The following EBF1 variants were observed in gnomAD, a reference collection of about 807,000 sequenced individuals.
The protein encoded by EBF1 is EBF transcription factor 1.
In EBF1, 10 loss-of-function variants were observed where a neutral mutation model predicts 68.4. The ratio of observed to expected loss-of-function variants is 0.15; its 90% CI spans 0.09 to 0.25. The LOEUF (loss-of-function observed/expected upper bound fraction) is 0.25. Among genes scored for constraint, EBF1 ranks in the 10% least tolerant of loss-of-function variants. The probability of loss-of-function intolerance (pLI) is 1.00; values close to 1 mark genes in which losing one functional copy is unlikely to be tolerated. For synonymous variants in EBF1, 298 were observed against 299.8 expected (o/e 0.99, Z 0.06); for missense variants, 509 against 794.4 (o/e 0.64, Z 4.32).
intron 8 of EBF1, among the ~76,000 whole-genome samples, chr5:158,797,888 G>A (rs192946650): frequency 1.1e-4 from 17 of 152,256 alleles, no homozygotes; most frequent in Admixed American, 5.9e-4. Flanking sequence ...TCAAGAAGAT[G>A]TAAATGATTC....
intron 6 of EBF1, among the ~76,000 whole-genome samples, chr5:158,888,365 G>A (rs1800464577): frequency 6.6e-6 from 1 of 152,100 alleles, no homozygotes; most frequent in Admixed American, 6.6e-5. Flanking sequence ...TGGCTAGCAT[G>A]TATTATGGCT....
intron 15 of EBF1, among the ~76,000 whole-genome samples, chr5:158,702,223 T>C (rs562396727): frequency 6.6e-6 from 1 of 151,922 alleles, no homozygotes; most frequent in Non-Finnish European, 1.5e-5. Flanking sequence ...AGATCTTGAG[T>C]TTTAGGAGTT....
At chr5:158,784,043 C>T (rs1776944728) in intron 9 of EBF1, among the ~76,000 whole-genome samples, 1 of 151,968 alleles carries the variant, frequency 6.6e-6, no homozygotes, top group Non-Finnish European at 1.5e-5. Context: ...CTATATTGTT[C>T]TAGTTCTCAC....
rs7732479 is a variant in EBF1 at position 159,037,984 on chromosome 5, G to A, written c.554+35412C>T. Among the ~76,000 whole-genome samples the A allele has an allele frequency of 3.6e-3, 544 of 152,258 alleles. 3 individuals are homozygous for A. The highest frequency in any genetic ancestry group is 0.012 in the African/African-American group (508 of 41,572). On this transcript the variant is annotated intron_variant, in intron 6 of 15. Transcript: ENST00000313708. ...TGCACAAATACCCATACCTAGGTTC[G>A]TGTGCAGTGCCAGAGTGGCAAGAGA...
At chr5:158,857,028 T>A (rs1456677605) in intron 6 of EBF1, among the ~76,000 whole-genome samples, 1 of 152,144 alleles carries the variant, frequency 6.6e-6, no homozygotes, top group Admixed American at 6.5e-5. Flanking sequence ...CTTGAAACAA[T>A]CACTTCCTTC....
chr5:158,877,286 C>A (rs1013437501), intron 6 of EBF1, among the ~76,000 whole-genome samples: 5 of 152,182 alleles, frequency 3.3e-5, no homozygotes, highest in Admixed American at 1.3e-4. Flanking sequence ...TAGGTGCATG[C>A]CCCTGAATGG....
intron 6 of EBF1, among the ~76,000 whole-genome samples, chr5:158,938,427 G>A (rs1476420914): frequency 1.3e-5 from 2 of 152,334 alleles, no homozygotes; most frequent in South Asian, 2.1e-4. Flanking sequence ...AATTGTCCCA[G>A]CTGTTCCCTC....
At chr5:159,015,489 A>T (rs899661712) in intron 6 of EBF1, among the ~76,000 whole-genome samples, 1 of 152,110 alleles carries the variant, frequency 6.6e-6, no homozygotes, top group Non-Finnish European at 1.5e-5. Context: ...GGCTGAAGTG[A>T]AGCCAAATAC....
intron 6 of EBF1, among the ~76,000 whole-genome samples, chr5:159,035,509 T>C (rs2127757992): frequency 6.6e-6 from 1 of 152,304 alleles, no homozygotes; most frequent in Admixed American, 6.5e-5. Flanking sequence ...AAGGAGGCAG[T>C]ACAGAGTGAT....
chr5:158,909,893 G>A lies in EBF1; in HGVS notation c.555-69783C>T, dbSNP rs376797870. Among the ~76,000 whole-genome samples, 9 of 139,732 alleles carry A rather than the reference G, an allele frequency of 6.4e-5. No homozygotes were observed. In the South Asian group the frequency reaches 7.5e-4, roughly 12 times the overall value. 91.7% of individuals were successfully genotyped at this position (139,732 alleles called of 152,430 possible). On this transcript the variant is annotated intron_variant, in intron 6 of 15. Coordinates refer to ENST00000313708, the MANE Select transcript of EBF1 (RefSeq NM_024007.5). ...CAGAGGTTGAACCAGGGAAGCAGAG[G>A]TTGCAGTGAGCCGAGATTGCACCAC...
rs1554083360 is a variant in EBF1 at position 158,940,777 on chromosome 5, C to CCCCCCCCCCCCCCCCT, written c.555-100668_555-100667insAGGGGGGGGGGGGGGG. Among the ~76,000 whole-genome samples the CCCCCCCCCCCCCCCCT allele has an allele frequency of 3.9e-5, 2 of 51,556 alleles. 1 individual carries two copies. Among genetic ancestry groups the CCCCCCCCCCCCCCCCT allele is most frequent in the Non-Finnish European group, 1.4e-4 (2 of 14,606 alleles). The allele number at this position is 51,556 out of a possible 152,430, so 33.8% of individuals were successfully genotyped here. ...TTCACCCCACCGCCCCCCCCCCCCC[C>CCCCCCCCCCCCCCCCT]CCGCAGGTCAAATGGAGGATGGACT... On this transcript the variant is annotated intron_variant, in intron 6 of 15. Coordinates refer to ENST00000313708, the MANE Select transcript of EBF1 (RefSeq NM_024007.5).
chr5:158,876,112 C>T (rs772236801), intron 6 of EBF1, among the ~76,000 whole-genome samples: 5 of 152,042 alleles, frequency 3.3e-5, no homozygotes, highest in South Asian at 4.2e-4. Flanking sequence ...ATGGCATATT[C>T]GGTATCACAT....
At chr5:159,086,559 G>A (rs555139653) in intron 4 of EBF1, among the ~76,000 whole-genome samples, 11 of 152,200 alleles carry the variant, frequency 7.2e-5, no homozygotes, top group African/African-American at 2.2e-4. Flanking sequence ...GTTTGCCTGC[G>A]TTTCCTCAGG....
chr5:159,080,433 T>G (rs971948860), intron 5 of EBF1, among the ~76,000 whole-genome samples: 6 of 152,224 alleles, frequency 3.9e-5, no homozygotes, highest in Non-Finnish European at 8.8e-5. Context: ...GCTCTCCGTT[T>G]TTGAGTGTTT....
At chr5:158,831,103 A>G (rs1787454847) in intron 7 of EBF1, among the ~76,000 whole-genome samples, 1 of 152,168 alleles carries the variant, frequency 6.6e-6, no homozygotes, top group African/African-American at 2.4e-5. Flanking sequence ...GGATCAGGAT[A>G]CTTTTGACTA....
intron 7 of EBF1, among the ~76,000 whole-genome samples, chr5:158,834,049 G>T (rs1310188988): frequency 6.6e-6 from 1 of 152,078 alleles, no homozygotes; most frequent in Non-Finnish European, 1.5e-5. Flanking sequence ...AAACTTTATT[G>T]AAGAGATAAG....
At chr5:158,911,150 C>T (rs1805874887) in intron 6 of EBF1, among the ~76,000 whole-genome samples, 1 of 152,184 alleles carries the variant, frequency 6.6e-6, no homozygotes, top group South Asian at 2.1e-4. Flanking sequence ...CAACGAGTCG[C>T]CTATCTGAAC....
rs146644735 is a variant in EBF1 at position 159,035,019 on chromosome 5, T to C, written c.554+38377A>G. 3.5e-3 allele frequency among the ~76,000 whole-genome samples: 540 copies of C among 152,268 alleles called. 1 individual carries two copies. Among genetic ancestry groups the C allele is most frequent in the Non-Finnish European group, 4.9e-3 (335 of 68,008 alleles). On this transcript the variant is annotated intron_variant, in intron 6 of 15. Transcript: ENST00000313708. Reference sequence around the variant, plus strand: ...ATCAAGGATTAGGGGTATTTCCTACTAGAAAATCAAAAAATAAACCAGAAG... The same window carrying C: ...ATCAAGGATTAGGGGTATTTCCTACCAGAAAATCAAAAAATAAACCAGAAG...
chr5:158,915,588 C>T (rs1049654592), intron 6 of EBF1, among the ~76,000 whole-genome samples: 3 of 152,040 alleles, frequency 2.0e-5, no homozygotes, highest in Admixed American at 6.6e-5. Context: ...GGGGGAATTC[C>T]GTGGAGACAC....
Sources: allele counts gnomAD v4.1 joint callset (sites outside exome capture counted in the v4.1 genomes callset), GRCh38; gene constraint gnomAD v4.1.1; transcripts MANE v1.5; gene names NCBI Gene and HGNC (gene_info 2026-07-23, HGNC 2026-07-21).